DENND3: variants seen among roughly 807,000 people sequenced by gnomAD.
The protein encoded by DENND3 is DENN domain-containing protein 3.
A neutral mutation model predicts 135.1 loss-of-function variants in DENND3; 88 were observed. That is an observed-to-expected ratio of 0.65 (90% CI 0.55 to 0.78). DENND3 has a LOEUF of 0.78. DENND3 is among the 30% of genes least tolerant of loss of function. The pLI, the probability that DENND3 is intolerant of heterozygous loss-of-function variation, is 0.00. For missense variants in DENND3, 1,392 were observed against 1,688.4 expected (o/e 0.82, Z 3.08); for synonymous variants, 693 against 712.3 (o/e 0.97, Z 0.43).
In DENND3 at chr8:141,175,577, G is replaced by C; in HGVS notation, c.2535+118G>C. 1 of 1,500,012 alleles carries C rather than the reference G, an allele frequency of 6.7e-7. No individual in the cohort carries two copies. The highest frequency in any genetic ancestry group is 1.1e-5 in the South Asian group (1 of 87,132). 92.9% of individuals were successfully genotyped at this position (1,500,012 alleles called of 1,614,324 possible). A position where few individuals can be genotyped will look rare whatever the true frequency, so the allele number is the denominator to read the frequency against. The stretch of plus-strand genomic sequence containing the variant: ...AAGTACCAGCTGCAGCCCTTCTGCA[G>C]ACCGAATGCCTTCCTGTCCCTCAGT... On this transcript the variant is annotated intron_variant, in intron 14 of 22. Transcript: ENST00000519811. This position sits in a 1 kb window ranked among gnomAD's most constrained non-coding sequence, Gnocchi z 5.4.
intron 13 of DENND3, among the ~76,000 whole-genome samples, chr8:141,170,704 C>A (rs1194239239): frequency 6.6e-6 from 1 of 152,184 alleles, no homozygotes; most frequent in Non-Finnish European, 1.5e-5. Flanking sequence ...TGAGCACCAC[C>A]CAGGAGCCAC....
intron 17 of DENND3, among the ~76,000 whole-genome samples, chr8:141,181,913 T>C (rs1442620620): frequency 6.6e-6 from 1 of 152,074 alleles, no homozygotes; most frequent in Non-Finnish European, 1.5e-5. Flanking sequence ...GCTGGGACCA[T>C]CGGCTTGTAC....
At position 141,189,079 on chromosome 8, in the gene DENND3, A is replaced by G; in HGVS notation, c.3178A>G (p.Lys1060Glu). 6.2e-7 allele frequency: 1 copy of G among 1,614,192 alleles called. No homozygotes were observed. Among genetic ancestry groups the G allele is most frequent in the East Asian group, 2.2e-5 (1 of 44,884 alleles). Residue 1060 changes from lysine to glutamate, a missense_variant, in exon 19 of 23, where the codon AAG becomes GAG. Transcript: ENST00000519811. ...CAACGTCCACAGCATGTCCTGCAAC[A>G]AGCAGCTCACAGCCCACTGCTCCAG... ...IINVHSMSCN[K>E]QLTAHCSSVT...
chr8:141,176,419 C>T (rs564998576), intron 14 of DENND3, among the ~76,000 whole-genome samples, 172 bp from the exon 15 acceptor site: 7 of 152,310 alleles, frequency 4.6e-5, no homozygotes, highest in Middle Eastern at 3.4e-3. Flanking sequence ...TCCTACCTGC[C>T]GTCCATGGGA....
At chr8:141,133,035 C>T (rs961272816) in intron 1 of DENND3, among the ~76,000 whole-genome samples, 1 of 152,172 alleles carries the variant, frequency 6.6e-6, no homozygotes. Flanking sequence ...TGGGCAGGGC[C>T]GAGATGCTCC....
chr8:141,176,199 G>T (rs1822314052), intron 14 of DENND3: 1 of 180,988 alleles, frequency 5.5e-6, no homozygotes, highest in South Asian at 9.9e-5. Flanking sequence ...TTCCACACCT[G>T]CTTTTCCAGA....
chr8:141,192,863 C>T, intron 22 of DENND3, 200 bp downstream of exon 22: 4 of 1,531,350 alleles, frequency 2.6e-6, no homozygotes, highest in Non-Finnish European at 3.5e-6. Flanking sequence ...TGGTGTGGTC[C>T]AAGCACTCCA....
At chr8:141,162,997 T>C (rs910738743) in intron 9 of DENND3, among the ~76,000 whole-genome samples, 5 of 152,054 alleles carry the variant, frequency 3.3e-5, no homozygotes, top group African/African-American at 1.2e-4. Flanking sequence ...ACTTGGAGAG[T>C]CTGGCTGCCC....
At position 141,190,433 on chromosome 8, in the gene DENND3, G is replaced by A; in HGVS notation, c.3379+16G>A. The A allele has an allele frequency of 6.3e-7, 1 of 1,598,228 alleles. No homozygotes were observed. The highest frequency in any genetic ancestry group is 8.5e-7 in the Non-Finnish European group (1 of 1,173,342). ...CTGTGGTGCTGTAAGTCCGGCCCCT[G>A]CCATCAGAGCGGGCACCCTACCTCC... On this transcript the variant is annotated intron_variant, in intron 20 of 22. Transcript: ENST00000519811.
chr8:141,185,334 C>T (rs1252832177), intron 18 of DENND3, 56 bp downstream of exon 18: 1 of 1,607,538 alleles, frequency 6.2e-7, no homozygotes, highest in Non-Finnish European at 8.5e-7. Context: ...TTTCTGAAAC[C>T]CAAGTGTGTT....
In DENND3 at chr8:141,151,604, G is replaced by A. The variant is rs757181115; in HGVS notation, c.856-15G>A. ...TTTAAAAGCATGTACTCAGTGCGGCGGGTTCTCCCCTCAGATCCTGACATG... is the reference window on the plus strand; with the variant it reads ...TTTAAAAGCATGTACTCAGTGCGGCAGGTTCTCCCCTCAGATCCTGACATG... On this transcript the variant is annotated splice_polypyrimidine_tract_variant and intron_variant, in intron 6 of 22. Transcript: ENST00000519811. 6.2e-6 allele frequency: 10 copies of A among 1,611,624 alleles called. No individual in the cohort carries two copies. The African/African-American group carries it at 9.4e-5, about 15-fold the overall frequency.
At position 141,185,119 on chromosome 8, in the gene DENND3, T is replaced by A. The variant is rs377076010; in HGVS notation, c.2945-20T>A. The A allele has an allele frequency of 5.6e-6, 9 of 1,605,212 alleles. No individual in the cohort carries two copies. The African/African-American group carries it at 1.2e-4, about 21-fold the overall frequency. On this transcript the variant is annotated intron_variant, in intron 17 of 22. Transcript: ENST00000519811. ...CAGAAGTGTTTCCTCCTAACAGTTT[T>A]GTGCTGCTCTCCTCTTTAGGGCATC...
In DENND3 at chr8:141,175,549, G is replaced by A. The variant is rs751299862; in HGVS notation, c.2535+90G>A. On this transcript the variant is annotated intron_variant, in intron 14 of 22. Transcript: ENST00000519811. This position sits in a 1 kb window ranked among gnomAD's most constrained non-coding sequence, Gnocchi z 5.4. Reference sequence around the variant, plus strand: ...GGGCCCTGAGCAGTCTGCCAGCCATGCCAAGTACCAGCTGCAGCCCTTCTG... The same window carrying A: ...GGGCCCTGAGCAGTCTGCCAGCCATACCAAGTACCAGCTGCAGCCCTTCTG... 3.2e-5 allele frequency: 51 copies of A among 1,598,578 alleles called. No individual in the cohort carries two copies. Among genetic ancestry groups the A allele is most frequent in the Non-Finnish European group, 4.0e-5 (47 of 1,171,338 alleles).
intron 8 of DENND3, among the ~76,000 whole-genome samples, chr8:141,157,213 G>A (rs1819549630): frequency 6.6e-6 from 1 of 152,158 alleles, no homozygotes; most frequent in South Asian, 2.1e-4. Context: ...ATGCTTTGGG[G>A]CTCTGAGGTC....
rs1176679032 is a variant in DENND3, at chr8:141,182,210, G to A, written c.2944+1356G>A. 13 of 703,412 alleles carry A rather than the reference G, an allele frequency of 1.8e-5. No homozygotes were observed. Among genetic ancestry groups the A allele is most frequent in the Non-Finnish European group, 2.1e-5 (12 of 572,908 alleles). 43.6% of individuals were successfully genotyped at this position (703,412 alleles called of 1,614,324 possible). A position where few individuals can be genotyped will look rare whatever the true frequency, so the allele number is the denominator to read the frequency against. ...ACCCCCTCTCACAGGCCATGTCCGC[G>A]GCTTCACAGAGCACCTGGCCATTCA... On this transcript the variant is annotated intron_variant, in intron 17 of 22. Transcript: ENST00000519811. The surrounding 1 kb of genome is among the most constrained non-coding windows in gnomAD (Gnocchi z 5.9).
rs1253925374 is a variant in DENND3, at chr8:141,139,903, GT to G, written c.502-1293del. The stretch of plus-strand genomic sequence containing the variant: ...GTATCCGGATGACGCTATATCTATC[GT>G]TTTTTTCTTTCTTTTTTTTTTTTGA... On this transcript the variant is annotated intron_variant, in intron 3 of 22. Coordinates refer to ENST00000519811, the MANE Select transcript of DENND3 (RefSeq NM_001352890.3). The surrounding 1 kb of genome is among the most constrained non-coding windows in gnomAD (Gnocchi z 4.2). Among the ~76,000 whole-genome samples, 40 of 144,520 alleles carry G rather than the reference GT, an allele frequency of 2.8e-4. No homozygotes were observed. The highest frequency in any genetic ancestry group is 8.7e-4 in the African/African-American group (33 of 38,084). 94.8% of individuals were successfully genotyped at this position (144,520 alleles called of 152,430 possible).
chr8:141,168,054 C>T lies in DENND3; in HGVS notation c.1804C>T (p.His602Tyr). Residue 602 changes from histidine (H) to tyrosine (Y), a missense_variant, in exon 13 of 23, where the codon CAC becomes TAC. His to Tyr is a moderately conservative substitution (Grantham distance 83, BLOSUM62 2). Transcript: ENST00000519811. This position sits in a 1 kb window ranked among gnomAD's most constrained non-coding sequence, Gnocchi z 6.2. ...GTATACATTCAAGATTCCCGAAATC[C>T]ACTTTCCGCTGGAGAGCAAGTGCGT... ...SPYTFKIPEIHFPLESKCVQA... is the reference protein window; with the variant it reads ...SPYTFKIPEIYFPLESKCVQA... 6.2e-7 allele frequency: 1 copy of T among 1,613,950 alleles called. No homozygotes were observed. The highest frequency in any genetic ancestry group is 8.5e-7 in the Non-Finnish European group (1 of 1,179,908).
intron 11 of DENND3, among the ~76,000 whole-genome samples, chr8:141,165,969 G>A (rs1354233789): frequency 1.3e-5 from 2 of 151,932 alleles, no homozygotes; most frequent in African/African-American, 2.4e-5. Flanking sequence ...CTGCAGTCAG[G>A]GCCCCTGTTG....
At chr8:141,140,892 G>T (rs1817367149) in intron 3 of DENND3, among the ~76,000 whole-genome samples, 1 of 152,236 alleles carries the variant, frequency 6.6e-6, no homozygotes, top group Admixed American at 6.5e-5. Context: ...CCCTTGTAAA[G>T]CAGAGTCCTT....
Sources: allele counts gnomAD v4.1 joint callset (sites outside exome capture counted in the v4.1 genomes callset), GRCh38; gene constraint gnomAD v4.1.1; non-coding constraint Gnocchi (gnomAD v3.1); transcripts MANE v1.5; gene names NCBI Gene and HGNC (gene_info 2026-07-23, HGNC 2026-07-21).